MAP2K6: variants seen among roughly 807,000 people sequenced by gnomAD.
MAP2K6 encodes the protein mitogen-activated protein kinase kinase 6.
MAP2K6 carries 16 observed loss-of-function variants against 53.7 expected under a neutral mutation model. That is an observed-to-expected ratio of 0.30 (90% CI 0.20 to 0.45). The LOEUF (loss-of-function observed/expected upper bound fraction) is 0.45. Among genes scored for constraint, MAP2K6 ranks in the 20% least tolerant of loss-of-function variants. The pLI is 1.00. For missense variants in MAP2K6, 204 were observed against 411.9 expected, an observed-to-expected ratio of 0.50 and a Z score of 4.37; for synonymous variants, 132 against 143.1, an observed-to-expected ratio of 0.92 and a Z score of 0.55.
At chr17:69,532,635 T>A (rs1911141272) in intron 10 of MAP2K6, among the ~76,000 whole-genome samples, 1 of 152,240 alleles carries the variant, frequency 6.6e-6, no homozygotes, top group Non-Finnish European at 1.5e-5. Context: ...CTGAGTGTAT[T>A]GCTATTCTTA....
intron 1 of MAP2K6, chr17:69,501,903 A>T (rs1909190078): frequency 6.9e-6 from 1 of 145,540 alleles, no homozygotes; most frequent in African/African-American, 2.5e-5. Context: ...TATTATTCAT[A>T]GTGCTCCCTC....
At chr17:69,448,086 C>T (rs554685483) in intron 1 of MAP2K6, among the ~76,000 whole-genome samples, 4 of 152,286 alleles carry the variant, frequency 2.6e-5, no homozygotes, top group African/African-American at 7.2e-5. Flanking sequence ...AATGCCTCTT[C>T]TATCAATAAA....
At chr17:69,442,189 A>G (rs1440753908) in intron 1 of MAP2K6, among the ~76,000 whole-genome samples, 2 of 152,166 alleles carry the variant, frequency 1.3e-5, no homozygotes, top group Admixed American at 6.5e-5. Flanking sequence ...TAGTTTGATT[A>G]TTCCTTCTGT....
chr17:69,468,262 C>T (rs764251952), intron 1 of MAP2K6, among the ~76,000 whole-genome samples: 1 of 152,212 alleles, frequency 6.6e-6, no homozygotes, highest in South Asian at 2.1e-4. Context: ...AGGCCCTTCT[C>T]ATCCTTCATT....
At chr17:69,422,259 G>A (rs545429329) in intron 1 of MAP2K6, among the ~76,000 whole-genome samples, 1 of 150,642 alleles carries the variant, frequency 6.6e-6, no homozygotes, top group Admixed American at 6.7e-5. Flanking sequence ...AGCCTCCCGA[G>A]TAGCTGGGAT....
chr17:69,491,963 A>AGTGTCTGTTT (rs1908771702), intron 1 of MAP2K6, among the ~76,000 whole-genome samples: 1 of 151,984 alleles, frequency 6.6e-6, no homozygotes, highest in Non-Finnish European at 1.5e-5. Flanking sequence ...TCTTTTGAAA[A>AGTGTCTGTTT]GTGTCTGTTT....
chr17:69,435,184 C>T (rs1357808532), intron 1 of MAP2K6: 1 of 152,084 alleles, frequency 6.6e-6, no homozygotes, highest in Non-Finnish European at 1.5e-5. Context: ...TTTCCATTTT[C>T]ACTCTGCTAG....
At position 69,414,751 on chromosome 17, in the gene MAP2K6, C is replaced by A; in HGVS notation, c.-234C>A. On this transcript the variant is annotated 5_prime_UTR_variant, in exon 1 of 12. Transcript: ENST00000590474. The stretch of plus-strand genomic sequence containing the variant: ...GCCCTGGCCCATCATGTAGCTGCAG[C>A]ACAGCCTTCCCTAACGTTGCAACTG... The A allele has an allele frequency of 2.0e-6, 1 of 511,188 alleles. No homozygotes were observed. 31.7% of individuals were successfully genotyped at this position (511,188 alleles called of 1,614,324 possible).
intron 10 of MAP2K6, among the ~76,000 whole-genome samples, chr17:69,535,879 TACACACACACACAC>T (rs3216906): frequency 6.8e-6 from 1 of 147,598 alleles, no homozygotes; most frequent in Non-Finnish European, 1.5e-5. Context: ...AAAAGGAAAG[TACACACACACACAC>T]ACACACACAC....
intron 1 of MAP2K6, chr17:69,502,381 T>C: frequency 1.0e-6 from 1 of 985,474 alleles, no homozygotes; most frequent in South Asian, 4.7e-5. Context: ...TCGCCTCTGC[T>C]GGTCTCTTAC....
At chr17:69,463,080 C>A (rs984292324) in intron 1 of MAP2K6, among the ~76,000 whole-genome samples, 11 of 151,220 alleles carry the variant, frequency 7.3e-5, no homozygotes, top group Non-Finnish European at 1.5e-4. Flanking sequence ...GCTGCCCCTG[C>A]TGACCTGTGG....
chr17:69,423,365 T>C (rs992267818), intron 1 of MAP2K6, among the ~76,000 whole-genome samples: 1 of 152,254 alleles, frequency 6.6e-6, no homozygotes, highest in Non-Finnish European at 1.5e-5. Context: ...ATGTTTTCCA[T>C]GGCTGCTCTT....
chr17:69,496,763 T>A (rs138127068), intron 1 of MAP2K6, among the ~76,000 whole-genome samples: 122 of 152,144 alleles, frequency 8.0e-4, no homozygotes, highest in African/African-American at 2.8e-3. Flanking sequence ...CTCCTGTCCC[T>A]CTCTTAAGCT....
chr17:69,475,483 A>G (rs970944494), intron 1 of MAP2K6, among the ~76,000 whole-genome samples: 1 of 152,358 alleles, frequency 6.6e-6, no homozygotes, highest in Non-Finnish European at 1.5e-5. Flanking sequence ...TTTGTTTAAA[A>G]ATGAAAATGG....
intron 1 of MAP2K6, among the ~76,000 whole-genome samples, chr17:69,484,727 G>A (rs954691780): frequency 6.6e-6 from 1 of 152,008 alleles, no homozygotes; most frequent in Non-Finnish European, 1.5e-5. Context: ...CTATACAATG[G>A]AATATTTTCA....
chr17:69,426,892 G>A (rs1446415216), intron 1 of MAP2K6, among the ~76,000 whole-genome samples: 1 of 152,010 alleles, frequency 6.6e-6, no homozygotes, highest in East Asian at 1.9e-4. Flanking sequence ...TTCTTACCAA[G>A]ATTAATACTG....
intron 10 of MAP2K6, among the ~76,000 whole-genome samples, chr17:69,534,287 C>T (rs1012857803): frequency 7.2e-5 from 11 of 152,224 alleles, no homozygotes; most frequent in African/African-American, 2.7e-4. Context: ...TCACTCAGCA[C>T]ACATTCCCAT....
At chr17:69,455,851 G>GTT (rs11317793) in intron 1 of MAP2K6, among the ~76,000 whole-genome samples, 8 of 95,372 alleles carry the variant, frequency 8.4e-5, no homozygotes, top group Non-Finnish European at 9.9e-5. Context: ...TGGACTTTCA[G>GTT]TTTTTTTTTT....
At chr17:69,471,702 A>G (rs1414857188) in intron 1 of MAP2K6, among the ~76,000 whole-genome samples, 1 of 152,170 alleles carries the variant, frequency 6.6e-6, no homozygotes, top group Admixed American at 6.5e-5. Flanking sequence ...AAACAAAAAA[A>G]CCCAAAATAG....
Sources: gnomAD v4.1 joint callset for allele counts (sites outside exome capture counted in the v4.1 genomes callset) on GRCh38, gnomAD v4.1.1 for gene constraint, MANE v1.5 for transcripts, NCBI Gene and HGNC (gene_info 2026-07-23, HGNC 2026-07-21) for gene names.